The following GRIN2A variants were observed in gnomAD, a reference collection of about 807,000 sequenced individuals.
GRIN2A encodes the protein glutamate ionotropic receptor NMDA type subunit 2A.
In GRIN2A, 22 loss-of-function variants were observed where a neutral mutation model predicts 113.4. The observed-to-expected ratio is 0.19, with a 90% CI of 0.14 to 0.28. The LOEUF is 0.28. GRIN2A is among the 10% of genes least tolerant of loss of function. The probability of loss-of-function intolerance (pLI) is 1.00; values close to 1 mark genes in which losing one functional copy is unlikely to be tolerated. For synonymous variants in GRIN2A, 827 were observed against 738.4 expected, an observed-to-expected ratio of 1.12 and a Z score of -1.94; for missense variants, 1,502 against 1,887.0, an observed-to-expected ratio of 0.80 and a Z score of 3.78.
At chr16:10,095,870 C>A (rs1285518629) in intron 2 of GRIN2A, among the ~76,000 whole-genome samples, 2 of 150,022 alleles carry the variant, frequency 1.3e-5, no homozygotes, top group Non-Finnish European at 3.0e-5. Context: ...GATATTCCTA[C>A]AAAAAAAAAG....
intron 10 of GRIN2A, among the ~76,000 whole-genome samples, chr16:9,804,400 G>C (rs1428118723): frequency 6.6e-6 from 1 of 152,014 alleles, no homozygotes; most frequent in Non-Finnish European, 1.5e-5. Flanking sequence ...AGAACACACA[G>C]CTAAGGGAAC....
chr16:9,924,196 G>C (rs1387722500), intron 3 of GRIN2A, among the ~76,000 whole-genome samples: 1 of 144,606 alleles, frequency 6.9e-6, no homozygotes, highest in African/African-American at 2.5e-5. Flanking sequence ...TCATTCTTTT[G>C]TGATGATCCA....
chr16:9,832,516 T>A (rs2042515002), intron 8 of GRIN2A, among the ~76,000 whole-genome samples: 1 of 152,210 alleles, frequency 6.6e-6, no homozygotes. Flanking sequence ...TGTCTACATG[T>A]TATTTTCACA....
intron 2 of GRIN2A, among the ~76,000 whole-genome samples, chr16:10,088,551 C>T (rs1461916358): frequency 2.0e-5 from 3 of 152,224 alleles, no homozygotes; most frequent in African/African-American, 4.8e-5. Flanking sequence ...CCTGGGGCCG[C>T]GGGCTGTCTG....
chr16:10,108,095 G>A (rs560033525), intron 2 of GRIN2A, among the ~76,000 whole-genome samples: 57 of 152,324 alleles, frequency 3.7e-4, no homozygotes, highest in African/African-American at 1.3e-3. Flanking sequence ...AGAAAATTGA[G>A]TGTATTAGTC....
chr16:9,951,389 C>A (rs1422500394), intron 2 of GRIN2A, among the ~76,000 whole-genome samples: 1 of 152,220 alleles, frequency 6.6e-6, no homozygotes, highest in Non-Finnish European at 1.5e-5. Flanking sequence ...AGACCAAATA[C>A]AGAATATCAT....
chr16:9,836,214 GTGTT>G (rs956931916), intron 7 of GRIN2A, among the ~76,000 whole-genome samples: 21 of 152,182 alleles, frequency 1.4e-4, no homozygotes, highest in Non-Finnish European at 2.5e-4. Context: ...ATACATGAAA[GTGTT>G]TGTTCGTGTG....
intron 2 of GRIN2A, among the ~76,000 whole-genome samples, chr16:10,066,158 T>TC (rs34718818): frequency 6.6e-6 from 1 of 152,154 alleles, no homozygotes; most frequent in Non-Finnish European, 1.5e-5. Context: ...GAATTTCATA[T>TC]CCCCCGGTGT....
intron 3 of GRIN2A, among the ~76,000 whole-genome samples, chr16:9,905,743 A>G (rs2044014660): frequency 6.6e-6 from 1 of 152,158 alleles, no homozygotes; most frequent in South Asian, 2.1e-4. Context: ...TGGCCATAAA[A>G]ATATATACAA....
chr16:9,994,244 CA>C (rs1329391458), intron 2 of GRIN2A, among the ~76,000 whole-genome samples: 1 of 152,206 alleles, frequency 6.6e-6, no homozygotes, highest in Non-Finnish European at 1.5e-5. Flanking sequence ...TGTCAGAATG[CA>C]AAGCCCATTT....
chr16:9,793,301 G>C (rs1386651634), intron 11 of GRIN2A, among the ~76,000 whole-genome samples: 1 of 152,132 alleles, frequency 6.6e-6, no homozygotes, highest in East Asian at 1.9e-4. Flanking sequence ...AGGCATTCTT[G>C]TTCTTCTCAG....
At chr16:9,879,885 T>C (rs1419640336) in intron 4 of GRIN2A, among the ~76,000 whole-genome samples, 1 of 152,224 alleles carries the variant, frequency 6.6e-6, no homozygotes. Flanking sequence ...AGCTCTTCAA[T>C]AGTGCCCTGA....
intron 2 of GRIN2A, among the ~76,000 whole-genome samples, chr16:10,078,882 T>A (rs548290935): frequency 6.6e-6 from 1 of 152,326 alleles, no homozygotes; most frequent in East Asian, 1.9e-4. Flanking sequence ...GCCTGCCACA[T>A]CACCGTCTCT....
At chr16:10,166,694 A>G (rs187561001) in intron 2 of GRIN2A, among the ~76,000 whole-genome samples, 2 of 152,316 alleles carry the variant, frequency 1.3e-5, no homozygotes, top group African/African-American at 4.8e-5. Context: ...AAAGCCAAGA[A>G]ATGTATGAAG....
chr16:10,152,466 A>C (rs957733290), intron 2 of GRIN2A, among the ~76,000 whole-genome samples: 7 of 152,090 alleles, frequency 4.6e-5, no homozygotes, highest in African/African-American at 1.2e-4. Context: ...ATCTTCCCCC[A>C]GCTCCACTAT....
intron 2 of GRIN2A, among the ~76,000 whole-genome samples, chr16:10,028,951 T>C (rs1301617731): frequency 6.6e-6 from 1 of 152,208 alleles, no homozygotes; most frequent in Non-Finnish European, 1.5e-5. Context: ...GCAGGAATTA[T>C]TTGTTATTAT....
chr16:10,088,106 G>A (rs907956673), intron 2 of GRIN2A, among the ~76,000 whole-genome samples: 3 of 152,040 alleles, frequency 2.0e-5, no homozygotes, highest in African/African-American at 7.2e-5. Context: ...TTTTGTTGTT[G>A]TTTACTCATG....
chr16:10,174,698 T>G (rs1002637208), intron 2 of GRIN2A, among the ~76,000 whole-genome samples: 4 of 152,100 alleles, frequency 2.6e-5, no homozygotes, highest in African/African-American at 7.2e-5. Context: ...AATCTATAAC[T>G]CAACAGATAG....
chr16:10,059,028 A>G (rs2142002940), intron 2 of GRIN2A, among the ~76,000 whole-genome samples: 1 of 152,368 alleles, frequency 6.6e-6, no homozygotes, highest in East Asian at 1.9e-4. Flanking sequence ...ATGGGGAATC[A>G]TAATACATGG....
Sources: gnomAD v4.1 joint callset for allele counts (sites outside exome capture counted in the v4.1 genomes callset) on GRCh38, gnomAD v4.1.1 for gene constraint, MANE v1.5 for transcripts, NCBI Gene and HGNC (gene_info 2026-07-23, HGNC 2026-07-21) for gene names.